SUGT1: variants seen among roughly 807,000 people sequenced by gnomAD.
SUGT1 encodes protein SGT1 homolog.
Under a neutral mutation model 56.1 loss-of-function variants are expected in SUGT1, and 15 were observed. The observed-to-expected ratio is 0.27, with a 90% CI of 0.18 to 0.41. The LOEUF (loss-of-function observed/expected upper bound fraction) is 0.41. SUGT1 is among the 10% of genes least tolerant of loss of function. SUGT1 has a pLI of 1.00. For missense variants in SUGT1, 347 were observed against 382.2 expected, an observed-to-expected ratio of 0.91 and a Z score of 0.77; for synonymous variants, 123 against 128.6, an observed-to-expected ratio of 0.96 and a Z score of 0.30.
chr13:52,659,588 T>C (rs1199098896), intron 5 of SUGT1, among the ~76,000 whole-genome samples: 2 of 151,902 alleles, frequency 1.3e-5, no homozygotes, highest in Non-Finnish European at 2.9e-5. Context: ...TTTAAATTAT[T>C]CAGATTGCTG....
In SUGT1 at chr13:52,694,180, G is replaced by A. The variant is rs1389109968; in HGVS notation, c.*6345G>A. On this transcript the variant is annotated 3_prime_UTR_variant, in exon 13 of 13. Coordinates refer to ENST00000310528, the MANE Select transcript of SUGT1 (RefSeq NM_006704.5). ...TTCAAAAACTCATCTGAGGGTTTTG[G>A]AATTGTGTATCTATGTGTGTGAAGT... 6.6e-6 allele frequency: 1 copy of A among 152,150 alleles called. No homozygotes were observed. The highest frequency in any genetic ancestry group is 1.5e-5 in the Non-Finnish European group (1 of 68,032). The allele number at this position is 152,150 out of a possible 1,614,324, so 9.4% of individuals were successfully genotyped here.
intron 10 of SUGT1, among the ~76,000 whole-genome samples, chr13:52,668,358 A>T (rs1441249153): frequency 1.3e-5 from 2 of 152,160 alleles, no homozygotes; most frequent in Non-Finnish European, 2.9e-5. Flanking sequence ...AGGACATGTG[A>T]AGTTTCCTGT....
chr13:52,675,377 C>T (rs1433669563), intron 10 of SUGT1, among the ~76,000 whole-genome samples: 2 of 152,086 alleles, frequency 1.3e-5, no homozygotes, highest in African/African-American at 4.8e-5. Context: ...AGTCTGAGAC[C>T]AGCCTGGGCA....
In SUGT1 at chr13:52,666,795, A is replaced by C; in HGVS notation, c.520-17A>C. 1 of 1,544,894 alleles carries C rather than the reference A, an allele frequency of 6.5e-7. No individual in the cohort carries two copies. On this transcript the variant is annotated splice_polypyrimidine_tract_variant and intron_variant, in intron 9 of 12. Transcript: ENST00000310528. ...ATATACATTTACAAAATGTGATGCT[A>C]ATTTTGTGTTCATTAGTTGTCTGCT...
At chr13:52,670,767 C>T (rs983935610) in intron 10 of SUGT1, among the ~76,000 whole-genome samples, 6 of 152,118 alleles carry the variant, frequency 3.9e-5, no homozygotes, top group Non-Finnish European at 7.4e-5. Context: ...GAGATCATGT[C>T]GCGCCACTGC....
rs1222178257 is a variant in SUGT1, at chr13:52,691,750, G to A, written c.*3915G>A. The A allele has an allele frequency of 1.3e-5, 2 of 152,162 alleles. No homozygotes were observed. The highest frequency in any genetic ancestry group is 4.8e-5 in the African/African-American group (2 of 41,440). The allele number at this position is 152,162 out of a possible 1,614,324, so 9.4% of individuals were successfully genotyped here. A position where few individuals can be genotyped will look rare whatever the true frequency, so the allele number is the denominator to read the frequency against. On this transcript the variant is annotated 3_prime_UTR_variant, in exon 13 of 13. Coordinates refer to ENST00000310528, the MANE Select transcript of SUGT1 (RefSeq NM_006704.5). ...GGATTTAAGTTATTTCTGCCTAGAG[G>A]AATTAGATGATAAAAGCTAAAAGGA...
intron 5 of SUGT1, 106 bp from the exon 6 acceptor site, chr13:52,662,543 C>A: frequency 2.7e-6 from 3 of 1,091,282 alleles, no homozygotes; most frequent in Admixed American, 2.0e-5. Flanking sequence ...CTGCCGACTC[C>A]CCAGTGCCTA....
At chr13:52,662,178 A>G (rs567817199) in intron 5 of SUGT1, among the ~76,000 whole-genome samples, 1 of 152,342 alleles carries the variant, frequency 6.6e-6, no homozygotes, top group South Asian at 2.1e-4. Flanking sequence ...AGATAAAGCC[A>G]CTGAGAGAAT....
intron 11 of SUGT1, among the ~76,000 whole-genome samples, chr13:52,677,921 A>G (rs982402957): frequency 6.6e-6 from 1 of 152,124 alleles, no homozygotes; most frequent in Non-Finnish European, 1.5e-5. Flanking sequence ...TACAGTTACC[A>G]TGTTTTTTCT....
At chr13:52,660,423 A>G (rs988953104) in intron 5 of SUGT1, among the ~76,000 whole-genome samples, 1 of 152,192 alleles carries the variant, frequency 6.6e-6, no homozygotes, top group Admixed American at 6.5e-5. Context: ...TGCCCAGGAC[A>G]GTTCTGCCTA....
intron 10 of SUGT1, among the ~76,000 whole-genome samples, chr13:52,675,331 T>C (rs1376680537): frequency 1.3e-5 from 2 of 152,228 alleles, no homozygotes; most frequent in Admixed American, 1.3e-4. Context: ...CCTAGCACTT[T>C]GGGAGGCTGA....
At chr13:52,675,368 G>A (rs1963102840) in intron 10 of SUGT1, among the ~76,000 whole-genome samples, 1 of 152,184 alleles carries the variant, frequency 6.6e-6, no homozygotes, top group Non-Finnish European at 1.5e-5. Context: ...GAGGCCAGGA[G>A]TCTGAGACCA....
chr13:52,697,376 C>G lies in SUGT1; in HGVS notation c.*9541C>G, dbSNP rs1276606372. ...TTTACTTTCTAACTAGGTTAGCCCT[C>G]CATTCATACAAAATTATGAGCCCAA... On this transcript the variant is annotated 3_prime_UTR_variant, in exon 13 of 13. Coordinates refer to ENST00000310528, the MANE Select transcript of SUGT1 (RefSeq NM_006704.5). 1.3e-5 allele frequency: 2 copies of G among 152,198 alleles called. No individual in the cohort carries two copies. 9.4% of individuals were successfully genotyped at this position (152,198 alleles called of 1,614,324 possible). A position where few individuals can be genotyped will look rare whatever the true frequency, so the allele number is the denominator to read the frequency against.
In SUGT1 at chr13:52,699,051, C is replaced by T. The variant is rs2094022933; in HGVS notation, c.*11216C>T. The T allele has an allele frequency of 6.6e-6, 1 of 152,146 alleles. No homozygotes were observed. Among genetic ancestry groups the T allele is most frequent in the Non-Finnish European group, 1.5e-5 (1 of 68,024 alleles). 9.4% of individuals were successfully genotyped at this position (152,146 alleles called of 1,614,324 possible). ...GGAGAGAACAGAAGTGAGATTAGCA[C>T]TAATCACCTCTAATGCCTTATTTCC... is the stretch of plus-strand genomic sequence containing the variant. On this transcript the variant is annotated 3_prime_UTR_variant, in exon 13 of 13. Transcript: ENST00000310528.
At position 52,653,056 on chromosome 13, in the gene SUGT1, A is replaced by G. The variant is rs1372095456; in HGVS notation, c.49A>G (p.Ser17Gly). ...TTGTTTTCCTGACAGGTTTTTCCAG[A>G]GCTTCTCGGATGCCCTAATCGACGA... ...GTATSQRFFQ[S>G]FSDALIDEDP... The change falls in exon 2 of 13, where the codon AGC becomes GGC. Residue 17 changes from serine (S) to glycine (G), a missense_variant. Transcript: ENST00000310528. 1.2e-6 allele frequency: 2 copies of G among 1,613,680 alleles called. No individual in the cohort carries two copies. Among genetic ancestry groups the G allele is most frequent in the African/African-American group, 1.3e-5 (1 of 74,794 alleles).
intron 11 of SUGT1, among the ~76,000 whole-genome samples, chr13:52,678,405 T>C (rs887945441): frequency 6.6e-6 from 1 of 152,176 alleles, no homozygotes; most frequent in Non-Finnish European, 1.5e-5. Context: ...GTTTCTCAGC[T>C]ATTTTGACAA....
chr13:52,658,673 A>C (rs981343238), intron 4 of SUGT1, among the ~76,000 whole-genome samples: 1 of 151,676 alleles, frequency 6.6e-6, no homozygotes, highest in South Asian at 2.1e-4. Flanking sequence ...GTACTTAGTA[A>C]ATTTTAAAAT....
chr13:52,656,749 G>C (rs976075130), intron 2 of SUGT1, among the ~76,000 whole-genome samples: 10 of 152,192 alleles, frequency 6.6e-5, no homozygotes, highest in African/African-American at 2.4e-4. Context: ...GATACATGTG[G>C]CTCTTGAAAT....
chr13:52,659,810 ATATATTTTTTTTTTTTT>A (rs1962344015), intron 5 of SUGT1, among the ~76,000 whole-genome samples: 1 of 21,580 alleles, frequency 4.6e-5, no homozygotes, highest in Non-Finnish European at 8.1e-5. Context: ...ATATATATAT[ATATATTTTTTTTTTTTT>A]TTTTTTTTTT....
Sources: gnomAD v4.1 joint callset for allele counts (sites outside exome capture counted in the v4.1 genomes callset) on GRCh38, gnomAD v4.1.1 for gene constraint, MANE v1.5 for transcripts, NCBI Gene and HGNC (gene_info 2026-07-23, HGNC 2026-07-21) for gene names.